Variants in ZNF804B observed in about 807,000 individuals in gnomAD.
ZNF804B encodes zinc finger 804B.
A neutral mutation model predicts 101.4 loss-of-function variants in ZNF804B; 80 were observed. The ratio of observed to expected loss-of-function variants is 0.79; its 90% CI spans 0.66 to 0.95. The LOEUF is 0.95. ZNF804B is among the 40% of genes least tolerant of loss of function. The pLI, the probability that ZNF804B is intolerant of heterozygous loss-of-function variation, is 0.00. For missense variants in ZNF804B, 1,673 were observed against 1,561.9 expected (o/e 1.07, Z -1.20); for synonymous variants, 622 against 558.8 (o/e 1.11, Z -1.59).
chr7:89,030,654 G>C (rs979477519), intron 1 of ZNF804B, among the ~76,000 whole-genome samples: 3 of 151,990 alleles, frequency 2.0e-5, no homozygotes, highest in Admixed American at 6.6e-5. Flanking sequence ...AGAAAACGGT[G>C]TTTTCCATTT....
intron 1 of ZNF804B, among the ~76,000 whole-genome samples, chr7:88,972,212 C>T (rs568257237): frequency 6.6e-6 from 1 of 151,588 alleles, no homozygotes; most frequent in Admixed American, 6.6e-5. Flanking sequence ...ACTTGTACAC[C>T]ACAAGTGTGC....
rs150328762 is a variant in ZNF804B, at chr7:89,333,884, A to G, written c.902A>G (p.Lys301Arg). The G allele has an allele frequency of 6.2e-7, 1 of 1,613,458 alleles. No homozygotes were observed. The stretch of plus-strand genomic sequence containing the variant: ...CACAATACCATCTCCATAAACTCTA[A>G]AATTTTGCAAGACAAACACGACTCT... ...VLHNTISINS[K>R]ILQDKHDSID... Residue 301 changes from lysine (K) to arginine (R), a missense_variant, in exon 4 of 4, where the codon AAA becomes AGA. Lys to Arg is a conservative substitution (Grantham distance 26). Coordinates refer to ENST00000333190, the MANE Select transcript of ZNF804B (RefSeq NM_181646.5).
chr7:88,788,055 A>G (rs1790327908), intron 1 of ZNF804B, among the ~76,000 whole-genome samples: 1 of 152,062 alleles, frequency 6.6e-6, no homozygotes. Context: ...ATTTTATAGC[A>G]ACAAAGAGGG....
chr7:88,971,882 G>C (rs992291599), intron 1 of ZNF804B, among the ~76,000 whole-genome samples: 1 of 151,506 alleles, frequency 6.6e-6, no homozygotes, highest in Non-Finnish European at 1.5e-5. Flanking sequence ...TAGGGACCTG[G>C]AGTGGAAGAG....
chr7:89,219,901 G>GTGTGTGCATATATATATATATACATATA (rs1788958079), intron 2 of ZNF804B, among the ~76,000 whole-genome samples: 1 of 20,190 alleles, frequency 5.0e-5, no homozygotes, highest in African/African-American at 1.5e-4. Flanking sequence ...ATGTATATAT[G>GTGTGTGCATATATATATATATACATATA]TGTGTGCATA....
intron 1 of ZNF804B, among the ~76,000 whole-genome samples, chr7:88,998,560 T>G (rs923456353): frequency 9.9e-5 from 15 of 152,004 alleles, no homozygotes; most frequent in African/African-American, 3.6e-4. Context: ...TACCAACGTG[T>G]TAAGATGTAG....
At chr7:89,096,901 C>T (rs1789979302) in intron 1 of ZNF804B, among the ~76,000 whole-genome samples, 1 of 152,126 alleles carries the variant, frequency 6.6e-6, no homozygotes, top group Admixed American at 6.5e-5. Flanking sequence ...GAGCTGTAAA[C>T]CTTCTCTGTA....
chr7:88,835,962 C>T (rs1791210434), intron 1 of ZNF804B, among the ~76,000 whole-genome samples: 1 of 151,824 alleles, frequency 6.6e-6, no homozygotes, highest in African/African-American at 2.4e-5. Flanking sequence ...TTGAGTGAGC[C>T]AAACATTCTC....
At position 88,831,304 on chromosome 7, in the gene ZNF804B, A is replaced by G. The variant is rs751280136; in HGVS notation, c.108+71220A>G. Among the ~76,000 whole-genome samples the G allele has an allele frequency of 1.7e-4, 26 of 151,920 alleles. 1 individual carries two copies. The highest frequency in any genetic ancestry group is 3.1e-4 in the Non-Finnish European group (21 of 67,872). On this transcript the variant is annotated intron_variant, in intron 1 of 3. Coordinates refer to ENST00000333190, the MANE Select transcript of ZNF804B (RefSeq NM_181646.5). ...TTGCCTATTCTTGAAATTTCTCCTT[A>G]TATCCTAAGACTTAATAGGTCTAAC...
At chr7:88,948,732 G>A (rs967752849) in intron 1 of ZNF804B, among the ~76,000 whole-genome samples, 7 of 151,772 alleles carry the variant, frequency 4.6e-5, no homozygotes, top group East Asian at 2.0e-4. Flanking sequence ...TGGTCAACTA[G>A]GACAACTGGG....
intron 1 of ZNF804B, among the ~76,000 whole-genome samples, chr7:89,158,257 A>G (rs1242938725): frequency 6.6e-6 from 1 of 152,042 alleles, no homozygotes; most frequent in Non-Finnish European, 1.5e-5. Context: ...TTTGTCACTG[A>G]CTTTCTTATC....
At chr7:88,814,447 A>AACACACACACACAC (rs66471769) in intron 1 of ZNF804B, among the ~76,000 whole-genome samples, 2 of 141,280 alleles carry the variant, frequency 1.4e-5, no homozygotes, top group African/African-American at 5.1e-5. Context: ...CCTCCCTTCA[A>AACACACACACACAC]ACACACACAC....
intron 1 of ZNF804B, among the ~76,000 whole-genome samples, chr7:88,978,197 G>A: frequency 6.6e-6 from 1 of 151,656 alleles, no homozygotes; most frequent in Admixed American, 6.6e-5. Flanking sequence ...GACTAATGTG[G>A]ATTCTGTAGC....
chr7:88,995,249 T>C (rs564657469), intron 1 of ZNF804B, among the ~76,000 whole-genome samples: 2 of 151,984 alleles, frequency 1.3e-5, no homozygotes, highest in African/African-American at 4.8e-5. Context: ...TGAGAGTAAG[T>C]TGGTAGAAAG....
At chr7:88,785,232 A>G (rs1790283402) in intron 1 of ZNF804B, among the ~76,000 whole-genome samples, 1 of 152,094 alleles carries the variant, frequency 6.6e-6, no homozygotes, top group South Asian at 2.1e-4. Context: ...TCTTGATCTT[A>G]GGGAATGGCA....
intron 1 of ZNF804B, among the ~76,000 whole-genome samples, chr7:89,139,368 T>C (rs1790683577): frequency 6.6e-6 from 1 of 152,112 alleles, no homozygotes; most frequent in Admixed American, 6.6e-5. Flanking sequence ...TGTGTAAATT[T>C]CTTAAAATAA....
At chr7:89,044,538 G>A in intron 1 of ZNF804B, among the ~76,000 whole-genome samples, 1 of 152,124 alleles carries the variant, frequency 6.6e-6, no homozygotes, top group East Asian at 1.9e-4. Flanking sequence ...GAAAGTTTGG[G>A]ACTTCCTAGA....
At chr7:89,158,771 T>C (rs1173498814) in intron 1 of ZNF804B, among the ~76,000 whole-genome samples, 2 of 152,286 alleles carry the variant, frequency 1.3e-5, no homozygotes, top group East Asian at 1.9e-4. Context: ...GCACAAACTT[T>C]CTTTCTATTA....
chr7:88,793,484 AT>A (rs1790417127), intron 1 of ZNF804B, among the ~76,000 whole-genome samples: 2 of 151,998 alleles, frequency 1.3e-5, no homozygotes, highest in South Asian at 4.1e-4. Context: ...CTGATAATGT[AT>A]TTTCATTTCA....
Sources: gnomAD v4.1 joint callset for allele counts (sites outside exome capture counted in the v4.1 genomes callset) on GRCh38, gnomAD v4.1.1 for gene constraint, MANE v1.5 for transcripts, NCBI Gene and HGNC (gene_info 2026-07-23, HGNC 2026-07-21) for gene names.